IMMP2L: variants seen among roughly 807,000 people sequenced by gnomAD.
The protein encoded by IMMP2L is inner mitochondrial membrane peptidase subunit 2.
A neutral mutation model predicts 19.3 loss-of-function variants in IMMP2L; 18 were observed. The observed-to-expected ratio is 0.93, with a 90% CI of 0.64 to 1.38. IMMP2L has a LOEUF of 1.38. IMMP2L is among the 40% of genes most tolerant of loss of function. The pLI, the probability that IMMP2L is intolerant of heterozygous loss-of-function variation, is 0.00. For missense variants in IMMP2L, 233 were observed against 218.2 expected (o/e 1.07, Z -0.43); for synonymous variants, 76 against 73.0 (o/e 1.04, Z -0.21).
At chr7:111,208,580 A>G (rs1449973988) in intron 3 of IMMP2L, among the ~76,000 whole-genome samples, 2 of 152,270 alleles carry the variant, frequency 1.3e-5, no homozygotes, top group East Asian at 1.9e-4. Flanking sequence ...AAGGATGGAG[A>G]AGAACTAGAA....
At chr7:111,145,370 C>A (rs1803355763) in intron 3 of IMMP2L, among the ~76,000 whole-genome samples, 1 of 151,982 alleles carries the variant, frequency 6.6e-6, no homozygotes. Flanking sequence ...TCAATTTTAT[C>A]TTTGTATGTC....
chr7:110,689,847 C>T (rs1793371719), intron 5 of IMMP2L, among the ~76,000 whole-genome samples: 2 of 152,120 alleles, frequency 1.3e-5, no homozygotes, highest in South Asian at 4.2e-4. Context: ...CTTATTTTTG[C>T]CAGGTAACAG....
chr7:110,859,775 A>C (rs1278141899), intron 5 of IMMP2L, among the ~76,000 whole-genome samples: 1 of 151,816 alleles, frequency 6.6e-6, no homozygotes, highest in Non-Finnish European at 1.5e-5. Context: ...TACGTTGTTT[A>C]GGAGTATACA....
At chr7:111,304,695 T>C (rs1292619082) in intron 3 of IMMP2L, among the ~76,000 whole-genome samples, 1 of 150,370 alleles carries the variant, frequency 6.7e-6, no homozygotes, top group Non-Finnish European at 1.5e-5. Flanking sequence ...TGTGTGTGTG[T>C]GTGTGTGTGT....
chr7:111,385,206 G>A (rs540653965), intron 3 of IMMP2L, among the ~76,000 whole-genome samples: 1 of 152,074 alleles, frequency 6.6e-6, no homozygotes, highest in African/African-American at 2.4e-5. Flanking sequence ...GCCAAAGAAG[G>A]CCTCACTGAC....
intron 3 of IMMP2L, among the ~76,000 whole-genome samples, chr7:111,221,705 C>A (rs577565599): frequency 1.3e-5 from 2 of 151,956 alleles, no homozygotes; most frequent in South Asian, 4.1e-4. Flanking sequence ...ATTAATAGAT[C>A]AATTTGAAGT....
At chr7:110,815,677 T>A (rs1410849858) in intron 5 of IMMP2L, among the ~76,000 whole-genome samples, 1 of 152,190 alleles carries the variant, frequency 6.6e-6, no homozygotes, top group African/African-American at 2.4e-5. Flanking sequence ...ATTCAACTTC[T>A]TCCTGGTTTA....
rs534889374 is a variant in IMMP2L, at chr7:111,444,288, A to G, written c.239+42950T>C. Among the ~76,000 whole-genome samples the G allele has an allele frequency of 2.6e-5, 4 of 152,284 alleles. No individual in the cohort carries two copies. In the East Asian group the frequency reaches 7.7e-4, roughly 29 times the overall value. On this transcript the variant is annotated intron_variant, in intron 3 of 5. Transcript: ENST00000405709. The stretch of plus-strand genomic sequence containing the variant: ...TTGGTGAATATGTTCACATAGATGT[A>G]TATGTATATGCACACACATGCACAT...
At chr7:110,962,757 T>C (rs1414354413) in intron 4 of IMMP2L, 1 of 1,089,192 alleles carries the variant, frequency 9.2e-7, no homozygotes, top group Non-Finnish European at 1.1e-6. Context: ...ATGTGTACTA[T>C]CATTAATACA....
intron 3 of IMMP2L, among the ~76,000 whole-genome samples, chr7:111,023,131 C>G (rs1826459145): frequency 6.6e-6 from 1 of 152,174 alleles, no homozygotes; most frequent in South Asian, 2.1e-4. Context: ...ATGTGCGAAG[C>G]AGGGCCTAAT....
chr7:111,535,562 A>G (rs976364663), intron 1 of IMMP2L, among the ~76,000 whole-genome samples: 1 of 152,140 alleles, frequency 6.6e-6, no homozygotes, highest in Non-Finnish European at 1.5e-5. Context: ...GTCATCAACT[A>G]TGGTGGGGCA....
rs370795536 is a variant in IMMP2L at position 111,458,152 on chromosome 7, G to A, written c.239+29086C>T. 5.0e-4 allele frequency among the ~76,000 whole-genome samples: 76 copies of A among 152,298 alleles called. 1 individual carries two copies. Among genetic ancestry groups the A allele is most frequent in the African/African-American group, 1.7e-3 (72 of 41,578 alleles). ...CCAGCACTCTGGGAGGCTGAGGCAG[G>A]TGGGTCACTGGAGGTCAGGAGTTTG... On this transcript the variant is annotated intron_variant, in intron 3 of 5. Coordinates refer to ENST00000405709, the MANE Select transcript of IMMP2L (RefSeq NM_032549.4).
chr7:111,121,818 G>C (rs1200718321), intron 3 of IMMP2L, among the ~76,000 whole-genome samples: 1 of 152,062 alleles, frequency 6.6e-6, no homozygotes, highest in Non-Finnish European at 1.5e-5. Flanking sequence ...GCAAAGACTT[G>C]GAACCAACCC....
chr7:110,698,481 A>G (rs964333803), intron 5 of IMMP2L, among the ~76,000 whole-genome samples: 1 of 152,220 alleles, frequency 6.6e-6, no homozygotes, highest in African/African-American at 2.4e-5. Flanking sequence ...GGACAGGTGG[A>G]TGGATGAATG....
intron 5 of IMMP2L, among the ~76,000 whole-genome samples, chr7:110,714,334 T>A (rs1795098589): frequency 2.0e-5 from 3 of 152,214 alleles, no homozygotes; most frequent in Admixed American, 2.0e-4. Context: ...GCTAGTATTT[T>A]GTTGAGGATT....
At chr7:111,277,544 C>T (rs1287569566) in intron 3 of IMMP2L, among the ~76,000 whole-genome samples, 1 of 143,292 alleles carries the variant, frequency 7.0e-6, no homozygotes, top group Non-Finnish European at 1.5e-5. Flanking sequence ...CAGCCTGAGA[C>T]AGACAGGGAC....
Position 111,463,094 on chromosome 7 carries a change from T to A in IMMP2L, c.239+24144A>T, listed in dbSNP as rs572730211. Among the ~76,000 whole-genome samples, 31 of 152,200 alleles carry A rather than the reference T, an allele frequency of 2.0e-4. No individual in the cohort carries two copies. The South Asian group carries it at 4.8e-3, about 23-fold the overall frequency. On this transcript the variant is annotated intron_variant, in intron 3 of 5. Transcript: ENST00000405709. Reference sequence around the variant, plus strand: ...AGTAAGGAAGGATCTGTTCCATGCCTTTCTCCTAGTTTCTGGCAGCCTCAG... The same window carrying A: ...AGTAAGGAAGGATCTGTTCCATGCCATTCTCCTAGTTTCTGGCAGCCTCAG...
At chr7:111,407,586 A>C (rs921371515) in intron 3 of IMMP2L, among the ~76,000 whole-genome samples, 10 of 152,104 alleles carry the variant, frequency 6.6e-5, no homozygotes, top group African/African-American at 2.2e-4. Flanking sequence ...TTTTTAAATG[A>C]AATATCCAGA....
intron 3 of IMMP2L, among the ~76,000 whole-genome samples, chr7:111,061,867 G>T (rs1005100861): frequency 2.0e-5 from 3 of 152,038 alleles, no homozygotes; most frequent in Non-Finnish European, 2.9e-5. Context: ...TTACTTACAG[G>T]AGTCTAGCTG....
Sources: gnomAD v4.1 joint callset for allele counts (sites outside exome capture counted in the v4.1 genomes callset) on GRCh38, gnomAD v4.1.1 for gene constraint, MANE v1.5 for transcripts, NCBI Gene and HGNC (gene_info 2026-07-23, HGNC 2026-07-21) for gene names.